Variants in MYO1F observed in about 807,000 individuals in gnomAD.
MYO1F encodes the protein myosin IF, also known as unconventional myosin-If.
In MYO1F, 60 loss-of-function variants were observed where a neutral mutation model predicts 146.6. The ratio of observed to expected loss-of-function variants is 0.41; its 90% CI spans 0.33 to 0.51. The LOEUF (loss-of-function observed/expected upper bound fraction) is 0.51. MYO1F is among the 20% of genes least tolerant of loss of function. The pLI is 0.25. For missense variants in MYO1F, 1,274 were observed against 1,534.3 expected (o/e 0.83, Z 2.83); for synonymous variants, 602 against 602.1 (o/e 1.00, Z 0.00).
intron 19 of MYO1F, among the ~76,000 whole-genome samples, chr19:8,531,360 A>C (rs968982716): frequency 5.3e-5 from 8 of 152,136 alleles, no homozygotes; most frequent in African/African-American, 1.9e-4. Flanking sequence ...AAAAAGAAAA[A>C]AAGAAAAAGA....
At position 8,570,569 on chromosome 19, in the gene MYO1F, G is replaced by A. The variant is rs1294157069; in HGVS notation, c.3+6738C>T. On this transcript the variant is annotated intron_variant, in intron 1 of 27. Transcript: ENST00000644032. Reference sequence around the variant, plus strand: ...TTTAGTAGAGACAGGGTTTCACCACGTTGGCCAGGCTGGTCTTGAACTCCT... The same window carrying A: ...TTTAGTAGAGACAGGGTTTCACCACATTGGCCAGGCTGGTCTTGAACTCCT... Among the ~76,000 whole-genome samples the A allele has an allele frequency of 3.9e-5, 6 of 151,942 alleles. No individual in the cohort carries two copies. In the East Asian group the frequency reaches 1.2e-3, roughly 29 times the overall value.
chr19:8,556,585 A>G (rs1398962455), intron 1 of MYO1F, among the ~76,000 whole-genome samples: 4 of 151,712 alleles, frequency 2.6e-5, no homozygotes, highest in African/African-American at 7.3e-5. Context: ...GCATATCACT[A>G]AGTGAAAGAA....
chr19:8,559,859 A>C (rs1450386713), intron 1 of MYO1F, among the ~76,000 whole-genome samples: 1 of 148,130 alleles, frequency 6.8e-6, no homozygotes, highest in Non-Finnish European at 1.5e-5. Context: ...CTGAGGCAGG[A>C]GAATCGCTAG....
At chr19:8,563,595 G>A (rs1309733486) in intron 1 of MYO1F, among the ~76,000 whole-genome samples, 1 of 151,146 alleles carries the variant, frequency 6.6e-6, no homozygotes, top group South Asian at 2.1e-4. Context: ...TGCAACCTTC[G>A]CCTCCCGGGT....
At chr19:8,569,358 G>A (rs767433172) in intron 1 of MYO1F, among the ~76,000 whole-genome samples, 34 of 152,154 alleles carry the variant, frequency 2.2e-4, no homozygotes, top group Middle Eastern at 3.4e-3. Flanking sequence ...TAGGAAGGAC[G>A]GGTAGCTTCT....
intron 1 of MYO1F, among the ~76,000 whole-genome samples, chr19:8,572,570 A>G (rs1393811252): frequency 1.3e-5 from 2 of 151,996 alleles, no homozygotes; most frequent in Non-Finnish European, 2.9e-5. Flanking sequence ...GCCCGTGCCC[A>G]GTTAGTGGTC....
At chr19:8,537,971 T>C (rs1972799128) in intron 16 of MYO1F, among the ~76,000 whole-genome samples, 1 of 151,696 alleles carries the variant, frequency 6.6e-6, no homozygotes, top group South Asian at 2.1e-4. Context: ...TTGTTTTATT[T>C]TTATTTTTAT....
At chr19:8,573,204 G>A (rs748952009) in intron 1 of MYO1F, among the ~76,000 whole-genome samples, 2 of 152,078 alleles carry the variant, frequency 1.3e-5, no homozygotes, top group South Asian at 2.1e-4. Context: ...CCAGCTACTC[G>A]GGAGGCTGAG....
At chr19:8,551,513 G>A (rs1318904281) in intron 8 of MYO1F, 16 of 560,772 alleles carry the variant, frequency 2.9e-5, no homozygotes, top group Admixed American at 2.6e-4. Flanking sequence ...CACCACATCT[G>A]GCTAATTTTT....
intron 1 of MYO1F, among the ~76,000 whole-genome samples, chr19:8,567,818 T>G (rs953027137): frequency 6.6e-6 from 1 of 152,178 alleles, no homozygotes; most frequent in Non-Finnish European, 1.5e-5. Context: ...TGAGGTCAGA[T>G]GAGGATGGGT....
At chr19:8,555,825 G>A (rs748437990) in intron 1 of MYO1F, 29 bp from the exon 2 acceptor site, 6 of 1,598,752 alleles carry the variant, frequency 3.8e-6, no homozygotes, top group South Asian at 3.3e-5. Context: ...GTCGGGGTGA[G>A]CCCTTGCACG....
Position 8,574,577 on chromosome 19 carries a change from T to TTCTTTCTTTCTTTCTTTC in MYO1F, c.3+2729_3+2730insGAAAGAAAGAAAGAAAGA, listed in dbSNP as rs1335184271. ...TTTCTTTCTTTCTTTCTTTCTTTCT[T>TTCTTTCTTTCTTTCTTTC]TCTCTCTCTCTCTCTCTCTCTTTCT... On this transcript the variant is annotated intron_variant, in intron 1 of 27. Coordinates refer to ENST00000644032, the MANE Select transcript of MYO1F (RefSeq NM_012335.4). 4.4e-4 allele frequency among the ~76,000 whole-genome samples: 35 copies of TTCTTTCTTTCTTTCTTTC among 79,744 alleles called. 1 individual carries two copies. Among genetic ancestry groups the TTCTTTCTTTCTTTCTTTC allele is most frequent in the Non-Finnish European group, 6.8e-4 (28 of 41,434 alleles). The allele number at this position is 79,744 out of a possible 152,430, so 52.3% of individuals were successfully genotyped here.
intron 2 of MYO1F, among the ~76,000 whole-genome samples, 183 bp from the exon 3 acceptor site, chr19:8,554,926 G>C (rs562863964): frequency 6.6e-6 from 1 of 152,072 alleles, no homozygotes; most frequent in Non-Finnish European, 1.5e-5. Flanking sequence ...GCTCATGCCT[G>C]TAATCCCAGC....
chr19:8,533,278 C>G (rs949792869), intron 19 of MYO1F, among the ~76,000 whole-genome samples: 10 of 151,924 alleles, frequency 6.6e-5, no homozygotes, highest in Non-Finnish European at 1.0e-4. Flanking sequence ...ATCTACCAGC[C>G]TTGACCTCCC....
intron 24 of MYO1F, 31 bp downstream of exon 24, chr19:8,526,422 C>A (rs1247750392): frequency 3.9e-6 from 6 of 1,549,292 alleles, no homozygotes; most frequent in East Asian, 4.9e-5. Context: ...GCTGGCCCCG[C>A]CCCCTCTGCC....
intron 2 of MYO1F, 77 bp from the exon 3 acceptor site, chr19:8,554,820 G>T (rs1309944653): frequency 7.5e-7 from 1 of 1,341,566 alleles, no homozygotes. Context: ...CCCCACCCAG[G>T]GCTTCCTAAA....
rs374157870 is a variant in MYO1F, at chr19:8,553,868, T to TCACACACACACACACACACACA, written c.327-453_327-432dup. ...GCCTGGGTGACAGACTGAGACTCTG[T>TCACACACACACACACACACACA]CACACACACACACACACACACACAC... is the stretch of plus-strand genomic sequence containing the variant. On this transcript the variant is annotated intron_variant, in intron 4 of 27. Transcript: ENST00000644032. 1.2e-3 allele frequency among the ~76,000 whole-genome samples: 150 copies of TCACACACACACACACACACACA among 121,540 alleles called. 1 individual carries two copies. Among genetic ancestry groups the TCACACACACACACACACACACA allele is most frequent in the Middle Eastern group, 4.1e-3 (1 of 244 alleles). The allele number at this position is 121,540 out of a possible 152,430, so 79.7% of individuals were successfully genotyped here.
intron 1 of MYO1F, among the ~76,000 whole-genome samples, chr19:8,562,287 C>T (rs1974176087): frequency 6.6e-6 from 1 of 152,014 alleles, no homozygotes; most frequent in African/African-American, 2.4e-5. Flanking sequence ...AGGCATGAGC[C>T]ACCGCACCGG....
Position 8,555,796 on chromosome 19 carries a change from C to T in MYO1F, c.4G>A (p.Gly2Ser). Residue 2 changes from glycine to serine, a missense_variant and splice_region_variant, in exon 2 of 28, where the codon GGC becomes AGC. Coordinates refer to ENST00000644032, the MANE Select transcript of MYO1F (RefSeq NM_012335.4). ...TGCCAGTGGAAGCGCTCCTTGCTGC[C>T]CTGGGGGGTGAGAGGGGGGTCGGGG... M[G>S]SKERFHWQSH... The T allele has an allele frequency of 1.2e-6, 2 of 1,611,796 alleles. No individual in the cohort carries two copies. Among genetic ancestry groups the T allele is most frequent in the South Asian group, 2.2e-5 (2 of 91,062 alleles).
Sources: gnomAD v4.1 joint callset for allele counts (sites outside exome capture counted in the v4.1 genomes callset) on GRCh38, gnomAD v4.1.1 for gene constraint, MANE v1.5 for transcripts, NCBI Gene and HGNC (gene_info 2026-07-23, HGNC 2026-07-21) for gene names.